Variants in EML6 observed in about 807,000 individuals in gnomAD.
EML6 encodes the protein echinoderm microtubule-associated protein-like 6.
A neutral mutation model predicts 240.1 loss-of-function variants in EML6; 154 were observed. The observed-to-expected ratio is 0.64, with a 90% CI of 0.56 to 0.73. EML6 has a LOEUF of 0.73. EML6 is among the 30% of genes least tolerant of loss of function. The probability of loss-of-function intolerance (pLI) is 0.00; values close to 1 mark genes in which losing one functional copy is unlikely to be tolerated. For missense variants in EML6, 2,964 were observed against 2,474.6 expected, an observed-to-expected ratio of 1.20 and a Z score of -4.20; for synonymous variants, 1,148 against 899.0, an observed-to-expected ratio of 1.28 and a Z score of -4.95.
In EML6 at chr2:54,723,672, TCC is replaced by T. The variant is rs1682781004; in HGVS notation, c.-618_-617del. ...CTCCCGCGGCGCCCCAGTGACGAAG[TCC>T]ATCCCCGGGTGCGGGAGGCGGGGAG... On this transcript the variant is annotated 5_prime_UTR_variant, in exon 1 of 42. Coordinates refer to ENST00000356458, the MANE Select transcript of EML6 (RefSeq NM_001039753.4). The T allele has an allele frequency of 6.6e-6, 1 of 152,090 alleles. No homozygotes were observed. Among genetic ancestry groups the T allele is most frequent in the African/African-American group, 2.4e-5 (1 of 41,416 alleles). The allele number at this position is 152,090 out of a possible 1,614,324, so 9.4% of individuals were successfully genotyped here.
rs149529218 is a variant in EML6 at position 54,745,082 on chromosome 2, C to T, written c.197+19824C>T. ...GGGAGTCTTTACAAGAGAAGGGATG[C>T]TGGAGGCGAGTCTTTAAGGCAGGAA... On this transcript the variant is annotated intron_variant, in intron 2 of 41. Transcript: ENST00000356458. 5.7e-3 allele frequency among the ~76,000 whole-genome samples: 868 copies of T among 152,156 alleles called. 33 individuals carry two copies. The highest frequency in any genetic ancestry group is 0.047 in the Admixed American group (715 of 15,288).
chr2:54,968,712 C>T lies in EML6; in HGVS notation c.5796C>T (p.Asn1932=), dbSNP rs115135644. 4.1e-5 allele frequency: 64 copies of T among 1,551,438 alleles called. No homozygotes were observed. In the African/African-American group the frequency reaches 5.7e-4, roughly 14 times the overall value. Residue 1932 remains asparagine (N), a synonymous_variant, in exon 41 of 42, where the codon AAC becomes AAT. Coordinates refer to ENST00000356458, the MANE Select transcript of EML6 (RefSeq NM_001039753.4). ...TCGGTCACTCGGCTCACGTGACGAA[C>T]ATCCGTTTCTCTTATGATGACAAGT... ...RYFGHSAHVT[N]IRFSYDDKYV...
intron 8 of EML6, among the ~76,000 whole-genome samples, chr2:54,845,308 T>A (rs1384739981): frequency 6.6e-6 from 1 of 152,236 alleles, no homozygotes; most frequent in East Asian, 1.9e-4. Flanking sequence ...TTTTTTGTTT[T>A]TGTCTTTCTG....
intron 7 of EML6, among the ~76,000 whole-genome samples, chr2:54,833,386 T>C (rs1161182907): frequency 2.0e-5 from 3 of 152,228 alleles, no homozygotes; most frequent in African/African-American, 7.2e-5. Context: ...GAAAGAAGTT[T>C]TAAAATGAAC....
intron 28 of EML6, among the ~76,000 whole-genome samples, chr2:54,935,436 T>G (rs904362853): frequency 1.3e-5 from 2 of 152,250 alleles, no homozygotes; most frequent in Non-Finnish European, 2.9e-5. Context: ...GTAACTACTT[T>G]TGCGTATGTT....
chr2:54,830,784 C>T (rs1489952821), intron 7 of EML6, among the ~76,000 whole-genome samples: 4 of 152,196 alleles, frequency 2.6e-5, no homozygotes, highest in African/African-American at 9.7e-5. Flanking sequence ...TACCTGGATG[C>T]CAGCTGCTTT....
At chr2:54,835,874 G>A (rs908549850) in intron 7 of EML6, among the ~76,000 whole-genome samples, 2 of 152,184 alleles carry the variant, frequency 1.3e-5, no homozygotes, top group African/African-American at 2.4e-5. Flanking sequence ...TGTTGATAGT[G>A]TTGTTGTTAA....
chr2:54,917,640 C>T lies in EML6; in HGVS notation c.3675+705C>T, dbSNP rs552908531. Among the ~76,000 whole-genome samples, 7 of 152,264 alleles carry T rather than the reference C, an allele frequency of 4.6e-5. No homozygotes were observed. The East Asian group carries it at 5.8e-4, about 13-fold the overall frequency. On this transcript the variant is annotated intron_variant, in intron 26 of 41. Coordinates refer to ENST00000356458, the MANE Select transcript of EML6 (RefSeq NM_001039753.4). ...CCTCCCAAACTGCTGGGATTATGGGCGTGAGCCACTGCGCCTGGCCTCTTT... is the reference window on the plus strand; with the variant it reads ...CCTCCCAAACTGCTGGGATTATGGGTGTGAGCCACTGCGCCTGGCCTCTTT...
At chr2:54,875,561 C>G (rs1015606282) in intron 16 of EML6, among the ~76,000 whole-genome samples, 49 of 152,170 alleles carry the variant, frequency 3.2e-4, no homozygotes, top group African/African-American at 1.2e-3. Flanking sequence ...AATGTGAAAA[C>G]TAGATAACAA....
chr2:54,737,537 A>G (rs1683451440), intron 2 of EML6, among the ~76,000 whole-genome samples: 2 of 152,194 alleles, frequency 1.3e-5, no homozygotes, highest in Admixed American at 1.3e-4. Context: ...GACCTTAATA[A>G]TGCATGTGTT....
chr2:54,867,580 C>G (rs1033672980), intron 14 of EML6: 3 of 152,120 alleles, frequency 2.0e-5, no homozygotes, highest in African/African-American at 7.2e-5. Context: ...ATGGTGAAAT[C>G]TCATCTCTAC....
chr2:54,938,118 G>A (rs1272433110), intron 28 of EML6, among the ~76,000 whole-genome samples: 1 of 152,144 alleles, frequency 6.6e-6, no homozygotes, highest in African/African-American at 2.4e-5. Flanking sequence ...GGCCGAGGCG[G>A]GCAGATCACC....
chr2:54,871,683 G>A (rs564377835), intron 16 of EML6, 78 bp downstream of exon 16: 188 of 1,003,190 alleles, frequency 1.9e-4, no homozygotes, highest in South Asian at 7.2e-4. Flanking sequence ...CCGCGCATGC[G>A]CGCACGCGTG....
Position 54,829,360 on chromosome 2 carries a change from T to G in EML6, c.730T>G (p.Tyr244Asp). Reference protein sequence around the residue: ...GAHSAGIFSMYACEEGFATGG... With the variant: ...GAHSAGIFSMDACEEGFATGG... ...TCAACAGGCTGGAATCTTTAGCATG[T>G]ATGCTTGTGAAGAAGGCTTTGCCAC... The change falls in exon 7 of 42, where the codon TAT (tyrosine) becomes GAT (aspartate). Residue 244 changes from tyrosine (Y) to aspartate (D), a missense_variant. Physicochemically the swap from Tyr to Asp is radical, Grantham distance 160 (BLOSUM62 -3). Coordinates refer to ENST00000356458, the MANE Select transcript of EML6 (RefSeq NM_001039753.4). The G allele has an allele frequency of 6.4e-7, 1 of 1,551,854 alleles. No individual in the cohort carries two copies. Among genetic ancestry groups the G allele is most frequent in the South Asian group, 1.2e-5 (1 of 84,056 alleles).
chr2:54,792,950 TTTTTC>T (rs1371760195), intron 2 of EML6, among the ~76,000 whole-genome samples: 2 of 152,162 alleles, frequency 1.3e-5, no homozygotes, highest in African/African-American at 4.8e-5. Context: ...GCATCTGAGC[TTTTTC>T]TTAAAGTTGG....
At chr2:54,783,156 A>G (rs1201896584) in intron 2 of EML6, among the ~76,000 whole-genome samples, 3 of 152,242 alleles carry the variant, frequency 2.0e-5, no homozygotes, top group African/African-American at 4.8e-5. Flanking sequence ...TACATCCTAC[A>G]TAGAAAATGC....
In EML6 at chr2:54,960,245, T is replaced by C. The variant is rs1194447505; in HGVS notation, c.4879T>C (p.Leu1627=). 1.3e-6 allele frequency: 2 copies of C among 1,551,506 alleles called. No homozygotes were observed. Among genetic ancestry groups the C allele is most frequent in the Admixed American group, 2.0e-5 (1 of 50,994 alleles). Residue 1627 remains leucine (L), a synonymous_variant, in exon 35 of 42, where the codon TTG becomes CTG. Transcript: ENST00000356458. ...RPTKEGGAVK[L]WDQEMKRCRA... is the part of the protein sequence containing the mutation. ...GACCAAAGAAGGAGGTGCTGTAAAA[T>C]TGTGGGACCAGGAGATGAAGCGCTG...
intron 5 of EML6, among the ~76,000 whole-genome samples, chr2:54,826,025 T>A (rs531544728): frequency 6.6e-6 from 1 of 152,368 alleles, no homozygotes; most frequent in East Asian, 1.9e-4. Flanking sequence ...TACCTTTGAA[T>A]TTCCTGCCAC....
At chr2:54,905,945 G>A (rs10167789) in intron 24 of EML6, among the ~76,000 whole-genome samples, 26,780 of 152,140 alleles carry the variant, frequency 0.18, 2,774 homozygotes, top group African/African-American at 0.28. Flanking sequence ...CACCTGTGTG[G>A]CTGCCACATT....
Sources: gnomAD v4.1 joint callset for allele counts (sites outside exome capture counted in the v4.1 genomes callset) on GRCh38, gnomAD v4.1.1 for gene constraint, MANE v1.5 for transcripts, NCBI Gene and HGNC (gene_info 2026-07-23, HGNC 2026-07-21) for gene names.